ZNF124: variants seen among roughly 807,000 people sequenced by gnomAD.
ZNF124 encodes the protein zinc finger protein 124, also known as zinc finger protein HZF-16.
A neutral mutation model predicts 26.6 loss-of-function variants in ZNF124; 25 were observed. The observed-to-expected ratio is 0.94, with a 90% confidence interval of 0.68 to 1.31. The LOEUF (loss-of-function observed/expected upper bound fraction) is 1.31, where lower values mean the gene tolerates loss of function less well. ZNF124 is among the 40% of genes most tolerant of loss of function. The pLI, the probability that ZNF124 is intolerant of heterozygous loss-of-function variation, is 0.00. For synonymous variants in ZNF124, 129 were observed against 133.3 expected (o/e 0.97, Z 0.22); for missense variants, 444 against 422.2 (o/e 1.05, Z -0.45).
chr1:247,142,811 AG>A (rs1202721806), intron 3 of ZNF124, among the ~76,000 whole-genome samples: 2 of 151,314 alleles, frequency 1.3e-5, no homozygotes, highest in Non-Finnish European at 2.9e-5. Flanking sequence ...TATGTATTGT[AG>A]AAGATTTTAA....
At chr1:247,140,496 C>G (rs142341326) in intron 3 of ZNF124, among the ~76,000 whole-genome samples, 304 of 152,266 alleles carry the variant, frequency 2.0e-3, no homozygotes, top group African/African-American at 7.0e-3. Context: ...GAGTAAGAAC[C>G]CTTGTTGAAA....
intron 3 of ZNF124, among the ~76,000 whole-genome samples, chr1:247,136,569 C>T (rs187082854): frequency 6.6e-6 from 1 of 152,154 alleles, no homozygotes; most frequent in Non-Finnish European, 1.5e-5. Context: ...GCCACACTGC[C>T]CAAAGTAATT....
At chr1:247,123,917 T>G in intron 3 of ZNF124, 3 of 702,058 alleles carry the variant, frequency 4.3e-6, no homozygotes, top group Non-Finnish European at 5.2e-6. Flanking sequence ...GCAGCAACTC[T>G]TCATCCCTTC....
rs1382568793 is a variant in ZNF124, at chr1:247,168,783, C to A, written c.30+3065G>T. ...GAAAACCAAATATTCTATGTTCTCA[C>A]TTATAAGTGGGAGCTAAGCTATGAG... On this transcript the variant is annotated intron_variant, in intron 1 of 3. Transcript: ENST00000543802. This position sits in a 1 kb window ranked among gnomAD's most constrained non-coding sequence, Gnocchi z 4.0. 3.3e-5 allele frequency among the ~76,000 whole-genome samples: 5 copies of A among 151,596 alleles called. No individual in the cohort carries two copies. The highest frequency in any genetic ancestry group is 7.4e-5 in the Non-Finnish European group (5 of 67,944).
chr1:247,134,746 G>C (rs1388990763), intron 3 of ZNF124, among the ~76,000 whole-genome samples: 1 of 152,208 alleles, frequency 6.6e-6, no homozygotes, highest in African/African-American at 2.4e-5. Flanking sequence ...TCTGGATCAA[G>C]TGACCTAGTA....
chr1:247,155,222 CA>C lies in ZNF124; in HGVS notation c.*1343del, dbSNP rs1237719691. ...CTCTATAATAAACTTTACATACTTA[CA>C]AATTGACAGCAACTCTATTAGCAAA... On this transcript the variant is annotated 3_prime_UTR_variant, in exon 4 of 4. Coordinates refer to ENST00000543802, the MANE Select transcript of ZNF124 (RefSeq NM_001297568.2). Among the ~76,000 whole-genome samples, 1 of 152,174 alleles carries C rather than the reference CA, an allele frequency of 6.6e-6. No individual in the cohort carries two copies. Among genetic ancestry groups the C allele is most frequent in the East Asian group, 1.9e-4 (1 of 5,182 alleles).
intron 1 of ZNF124, among the ~76,000 whole-genome samples, chr1:247,166,476 T>G (rs1021606141): frequency 3.3e-5 from 5 of 152,360 alleles, no homozygotes; most frequent in African/African-American, 1.2e-4. Context: ...CAGTCTACTG[T>G]TGATGGGCAT....
intron 1 of ZNF124, among the ~76,000 whole-genome samples, chr1:247,170,960 C>A (rs199890994): frequency 0.051 from 4,044 of 78,606 alleles, 58 homozygotes; most frequent in African/African-American, 0.12. Context: ...AGAAATTGGG[C>A]ATAAGACAAT....
At chr1:247,137,057 AC>A (rs1255001003) in intron 3 of ZNF124, among the ~76,000 whole-genome samples, 1 of 152,076 alleles carries the variant, frequency 6.6e-6, no homozygotes, top group Non-Finnish European at 1.5e-5. Context: ...AAACTATACT[AC>A]AAGGCTACAG....
chr1:247,150,876 A>T (rs140696466), downstream of ZNF124, among the ~76,000 whole-genome samples: 140 of 147,844 alleles, frequency 9.5e-4, no homozygotes, highest in Non-Finnish European at 1.5e-3. Context: ...TATTTAATAT[A>T]CTGGGAAAAA....
rs1447562803 is a variant in ZNF124 at position 247,146,196 on chromosome 1, T to C, written c.218+12810A>G. Among the ~76,000 whole-genome samples the C allele has an allele frequency of 2.6e-5, 4 of 152,118 alleles. No homozygotes were observed. In the East Asian group the frequency reaches 7.7e-4, roughly 29 times the overall value. On this transcript the variant is annotated intron_variant, in intron 3 of 3. Transcript: ENST00000472531. Reference sequence around the variant, plus strand: ...TATTGGTAAAGCAGGGACAGAAATTTAGGGAATACTTAGTGAAGTGGGGGC... The same window carrying C: ...TATTGGTAAAGCAGGGACAGAAATTCAGGGAATACTTAGTGAAGTGGGGGC...
At chr1:247,126,290 C>G (rs1340093999) in intron 3 of ZNF124, among the ~76,000 whole-genome samples, 2 of 114,392 alleles carry the variant, frequency 1.7e-5, no homozygotes, top group Admixed American at 9.4e-5. Flanking sequence ...CATTCAGACA[C>G]GCGCGGGAGC....
chr1:247,130,330 C>T (rs1198372059), intron 3 of ZNF124, among the ~76,000 whole-genome samples: 1 of 152,158 alleles, frequency 6.6e-6, no homozygotes, highest in East Asian at 1.9e-4. Context: ...GTGGTTTCAA[C>T]CCGAATTCCA....
chr1:247,152,737 G>GTATA (rs1290308529), downstream of ZNF124, among the ~76,000 whole-genome samples: 2 of 152,266 alleles, frequency 1.3e-5, no homozygotes, highest in East Asian at 3.9e-4. Context: ...ATGTATGTGA[G>GTATA]TATATACTGT....
At chr1:247,150,636 CAAAA>C (rs1329685955), downstream of ZNF124, among the ~76,000 whole-genome samples, 5 of 150,810 alleles carry the variant, frequency 3.3e-5, no homozygotes, top group East Asian at 5.9e-4. Context: ...TTAAATAAAA[CAAAA>C]AACATTTAAT....
intron 3 of ZNF124, among the ~76,000 whole-genome samples, chr1:247,158,335 T>G (rs145029262): frequency 5.3e-5 from 8 of 152,244 alleles, no homozygotes; most frequent in African/African-American, 1.9e-4. Context: ...CCATGTGACA[T>G]GTCAGCTCCC....
At chr1:247,151,852 G>A (rs543086232), downstream of ZNF124, among the ~76,000 whole-genome samples, 4 of 150,328 alleles carry the variant, frequency 2.7e-5, no homozygotes, top group Non-Finnish European at 4.4e-5. Flanking sequence ...CAGAATTACC[G>A]AAAAACTCAA....
chr1:247,135,607 G>A (rs926541556), intron 3 of ZNF124, among the ~76,000 whole-genome samples: 1 of 152,106 alleles, frequency 6.6e-6, no homozygotes, highest in Non-Finnish European at 1.5e-5. Flanking sequence ...AATACAAAGA[G>A]GAGCAGATAC....
rs140891091 is a variant in ZNF124, at chr1:247,160,056, G to A, written c.31-243C>T. On this transcript the variant is annotated intron_variant, in intron 1 of 3. Coordinates refer to ENST00000543802, the MANE Select transcript of ZNF124 (RefSeq NM_001297568.2). Reference sequence around the variant, plus strand: ...GCTGGAGTGCAGTGGCACCGTCTCAGCTCACTGCAATCTTCGCCTCGCAGG... The same window carrying A: ...GCTGGAGTGCAGTGGCACCGTCTCAACTCACTGCAATCTTCGCCTCGCAGG... 2.4e-3 allele frequency among the ~76,000 whole-genome samples: 325 copies of A among 138,174 alleles called. 5 individuals are homozygous for A. The highest frequency in any genetic ancestry group is 8.5e-3 in the African/African-American group (308 of 36,318). 90.6% of individuals were successfully genotyped at this position (138,174 alleles called of 152,430 possible).
Sources: gnomAD v4.1 joint callset for allele counts (sites outside exome capture counted in the v4.1 genomes callset) on GRCh38, gnomAD v4.1.1 for gene constraint, Gnocchi (gnomAD v3.1) non-coding constraint, MANE v1.5 for transcripts, NCBI Gene and HGNC (gene_info 2026-07-23, HGNC 2026-07-21) for gene names.